Variants in ANKRD36 observed in about 807,000 individuals in gnomAD.
The protein encoded by ANKRD36 is ankyrin repeat domain-containing protein 36A.
In ANKRD36, 179 loss-of-function variants were observed where a neutral mutation model predicts 278.1. That is an observed-to-expected ratio of 0.64 (90% CI 0.57 to 0.73). The LOEUF is 0.73. Ranked by LOEUF, ANKRD36 falls within the 30% of genes least tolerant of loss-of-function variation. The pLI, the probability that ANKRD36 is intolerant of heterozygous loss-of-function variation, is 0.00. For missense variants in ANKRD36, 1,159 were observed against 1,956.7 expected (o/e 0.59, Z 7.69); for synonymous variants, 320 against 641.1 (o/e 0.50, Z 7.57).
chr2:97,226,257 C>T (rs62156185), intron 67 of ANKRD36, among the ~76,000 whole-genome samples: 1 of 151,570 alleles, frequency 6.6e-6, no homozygotes, highest in Non-Finnish European at 1.5e-5. Context: ...TAAAAGTGTT[C>T]CTATTTCTCC....
intron 40 of ANKRD36, 34 bp from the exon 41 acceptor site, chr2:97,196,559 G>A (rs755677410): frequency 1.1e-5 from 18 of 1,603,346 alleles, no homozygotes; most frequent in African/African-American, 2.7e-5. Context: ...TCATATTTAT[G>A]TATGACTGAT....
At chr2:97,134,581 A>G (rs2041000156) in intron 6 of ANKRD36, among the ~76,000 whole-genome samples, 2 of 152,084 alleles carry the variant, frequency 1.3e-5, no homozygotes, top group African/African-American at 4.8e-5. Flanking sequence ...AAGACAGTCT[A>G]TATTATTATA....
intron 22 of ANKRD36, among the ~76,000 whole-genome samples, chr2:97,177,480 C>A (rs200731735): frequency 6.6e-6 from 1 of 151,622 alleles, no homozygotes; most frequent in African/African-American, 2.4e-5. Context: ...CAAAACAGAG[C>A]TATAGATCAA....
At chr2:97,196,822 G>A (rs767761911) in intron 42 of ANKRD36, 34 bp downstream of exon 42, 100 of 1,543,226 alleles carry the variant, frequency 6.5e-5, no homozygotes, top group Middle Eastern at 1.7e-4. Flanking sequence ...GTCATGTTCA[G>A]TCCAGATAGA....
intron 22 of ANKRD36, among the ~76,000 whole-genome samples, chr2:97,178,771 A>G (rs998984668): frequency 9.3e-5 from 14 of 150,936 alleles, no homozygotes; most frequent in African/African-American, 3.4e-4. Flanking sequence ...TGGCACATGT[A>G]TACATATGTA....
At chr2:97,189,727 C>T (rs2058113113) in intron 34 of ANKRD36, among the ~76,000 whole-genome samples, 1 of 79,876 alleles carries the variant, frequency 1.3e-5, no homozygotes, top group Admixed American at 1.2e-4. Context: ...CTAAGGAGAC[C>T]CCTGATGTAG....
At chr2:97,120,544 T>C (rs546819246) in intron 3 of ANKRD36, among the ~76,000 whole-genome samples, 14 of 151,520 alleles carry the variant, frequency 9.2e-5, no homozygotes, top group East Asian at 7.7e-4. Context: ...TGCAGCAGTC[T>C]TATGAACTAA....
chr2:97,250,474 A>G (rs1387606437), intron 75 of ANKRD36, among the ~76,000 whole-genome samples: 1 of 126,096 alleles, frequency 7.9e-6, no homozygotes, highest in Non-Finnish European at 1.5e-5. Context: ...CTGCACACTG[A>G]AACTGTTCTC....
chr2:97,150,041 A>T (rs2045497942), intron 12 of ANKRD36, among the ~76,000 whole-genome samples: 1 of 151,858 alleles, frequency 6.6e-6, no homozygotes, highest in Non-Finnish European at 1.5e-5. Flanking sequence ...ACAAGTGCTT[A>T]TCTCTAATTT....
intron 69 of ANKRD36, among the ~76,000 whole-genome samples, chr2:97,243,300 T>C (rs796785242): frequency 6.9e-6 from 1 of 145,118 alleles, no homozygotes; most frequent in Non-Finnish European, 1.5e-5. Context: ...TTCCAGGCTG[T>C]AGGTAAATTT....
At chr2:97,137,759 C>T (rs1374600931) in intron 6 of ANKRD36, among the ~76,000 whole-genome samples, 1 of 152,092 alleles carries the variant, frequency 6.6e-6, no homozygotes, top group African/African-American at 2.4e-5. Context: ...CACATCTGCT[C>T]CAGCATCTGT....
rs1421282965 is a variant in ANKRD36, at chr2:97,118,288, G to A, written c.313-56G>A. ...CCATATAACTAGTAGGAAATCCTAC[G>A]GAGTGTTTATTTTGATTTTTCAGTA... On this transcript the variant is annotated intron_variant, in intron 2 of 75. Transcript: ENST00000420699. The A allele has an allele frequency of 1.4e-5, 22 of 1,610,598 alleles. 1 individual carries two copies. The highest frequency in any genetic ancestry group is 1.1e-4 in the South Asian group (10 of 90,410).
At chr2:97,188,463 C>A (rs2057891138) in intron 32 of ANKRD36, among the ~76,000 whole-genome samples, 1 of 151,660 alleles carries the variant, frequency 6.6e-6, no homozygotes, top group East Asian at 2.0e-4. Context: ...GAAGGCTAAA[C>A]TAGTGGATAC....
intron 22 of ANKRD36, among the ~76,000 whole-genome samples, chr2:97,175,174 T>C (rs2053860531): frequency 6.7e-6 from 1 of 150,164 alleles, no homozygotes; most frequent in African/African-American, 2.4e-5. Flanking sequence ...TCTTTTTCTA[T>C]TGATTGGAAT....
chr2:97,121,217 A>G (rs564860276), intron 3 of ANKRD36, among the ~76,000 whole-genome samples: 11 of 152,224 alleles, frequency 7.2e-5, no homozygotes, highest in African/African-American at 2.6e-4. Flanking sequence ...TTTTCTTTAT[A>G]CATACCATAA....
At chr2:97,144,456 A>G (rs1305476766) in intron 8 of ANKRD36, 62 bp from the exon 9 acceptor site, 1 of 1,588,102 alleles carries the variant, frequency 6.3e-7, no homozygotes, top group Non-Finnish European at 8.5e-7. Context: ...ACACTGCATG[A>G]AAGTATGGAT....
intron 6 of ANKRD36, among the ~76,000 whole-genome samples, chr2:97,134,272 A>G (rs1340642439): frequency 6.6e-6 from 1 of 152,102 alleles, no homozygotes. Flanking sequence ...ATTTAATGGC[A>G]TATGCTTTAC....
In ANKRD36 at chr2:97,191,169, A is replaced by T; in HGVS notation, c.2335A>T (p.Lys779Ter). 1.3e-6 allele frequency: 2 copies of T among 1,593,782 alleles called. No individual in the cohort carries two copies. Among genetic ancestry groups the T allele is most frequent in the Non-Finnish European group, 1.7e-6 (2 of 1,169,604 alleles). ...NIATEIKDGE[K>*]SGTVSSQKPP... Reference sequence around the variant, plus strand: ...AGCCACAGAAATAAAGGATGGAGAAAAATCTGGGACAGGTAATTTTGCAAA... The same window carrying T: ...AGCCACAGAAATAAAGGATGGAGAATAATCTGGGACAGGTAATTTTGCAAA... Residue 779 changes from lysine (K) to a stop codon, truncating the protein, a stop_gained, in exon 36 of 76, where the codon AAA (lysine) becomes TAA (stop). Coordinates refer to ENST00000420699, the MANE Select transcript of ANKRD36 (RefSeq NM_001354587.1). LOFTEE classifies it high-confidence loss of function.
At chr2:97,160,694 G>A (rs6756249) in intron 17 of ANKRD36, among the ~76,000 whole-genome samples, 84,692 of 147,890 alleles carry the variant, frequency 0.57, 27,799 homozygotes, top group Non-Finnish European at 0.76. Context: ...ATTTACAGGA[G>A]AATCAGAAAA....
Sources: allele counts gnomAD v4.1 joint callset (sites outside exome capture counted in the v4.1 genomes callset), GRCh38; gene constraint gnomAD v4.1.1; transcripts MANE v1.5; gene names NCBI Gene and HGNC (gene_info 2026-07-23, HGNC 2026-07-21).